Variants in METTL16 observed in about 807,000 individuals in gnomAD.
METTL16 encodes the protein RNA N(6)-adenosine-methyltransferase METTL16.
A neutral mutation model predicts 57.9 loss-of-function variants in METTL16; 19 were observed. That is an observed-to-expected ratio of 0.33 (90% CI 0.23 to 0.48). METTL16 has a LOEUF of 0.48. Ranked by LOEUF, METTL16 falls within the 20% of genes least tolerant of loss-of-function variation. The pLI, the probability that METTL16 is intolerant of heterozygous loss-of-function variation, is 0.99. For synonymous variants in METTL16, 246 were observed against 255.6 expected (o/e 0.96, Z 0.36); for missense variants, 434 against 691.5 (o/e 0.63, Z 4.18).
chr17:2,480,244 T>C (rs1259988391), intron 2 of METTL16, among the ~76,000 whole-genome samples: 5 of 151,586 alleles, frequency 3.3e-5, no homozygotes, highest in Non-Finnish European at 7.4e-5. Flanking sequence ...GAAAAGACCT[T>C]GCAAAAAGAT....
rs1194056511 is a variant in METTL16 at position 2,419,600 on chromosome 17, G to A, written c.*370C>T. 2.1e-6 allele frequency: 1 copy of A among 476,634 alleles called. No homozygotes were observed. 29.5% of individuals were successfully genotyped at this position (476,634 alleles called of 1,614,324 possible). A position where few individuals can be genotyped will look rare whatever the true frequency, so the allele number is the denominator to read the frequency against. On this transcript the variant is annotated 3_prime_UTR_variant, in exon 10 of 10. Transcript: ENST00000263092. ...TCAAGAAACACCCTTGGGTGACAGA[G>A]ACAGCATGATATTCTAGGCAGTGCT...
At chr17:2,433,200 G>A (rs975954810) in intron 8 of METTL16, among the ~76,000 whole-genome samples, 1 of 152,216 alleles carries the variant, frequency 6.6e-6, no homozygotes, top group African/African-American at 2.4e-5. Context: ...TTGCAGTGGA[G>A]GACGTCAGAG....
At chr17:2,470,309 G>GAA (rs35163850) in intron 4 of METTL16, among the ~76,000 whole-genome samples, 18 of 147,666 alleles carry the variant, frequency 1.2e-4, no homozygotes, top group African/African-American at 2.5e-4. Flanking sequence ...AAATGAAAAA[G>GAA]AAAAAAAAAA....
At chr17:2,434,697 G>C (rs188202631) in intron 8 of METTL16, among the ~76,000 whole-genome samples, 2 of 152,264 alleles carry the variant, frequency 1.3e-5, no homozygotes, top group East Asian at 3.9e-4. Context: ...AAGGAGAAGG[G>C]AGCTGGGCAC....
At chr17:2,449,632 C>T (rs923374123) in intron 6 of METTL16, among the ~76,000 whole-genome samples, 18 of 152,266 alleles carry the variant, frequency 1.2e-4, no homozygotes, top group African/African-American at 4.3e-4. Flanking sequence ...ATAAGATAGA[C>T]ACAGATTAAC....
intron 6 of METTL16, among the ~76,000 whole-genome samples, chr17:2,443,224 T>G (rs2066966834): frequency 6.6e-6 from 1 of 152,110 alleles, no homozygotes; most frequent in South Asian, 2.1e-4. Context: ...AACTCCCGCC[T>G]CAGCCTCTCT....
At chr17:2,478,041 G>A (rs1393348223) in intron 2 of METTL16, among the ~76,000 whole-genome samples, 156 bp from the exon 3 acceptor site, 1 of 152,158 alleles carries the variant, frequency 6.6e-6, no homozygotes, top group Non-Finnish European at 1.5e-5. Flanking sequence ...ACATACACGA[G>A]TGTTTCACAC....
rs753321594 is a variant in METTL16, at chr17:2,420,804, G to A, written c.989C>T (p.Pro330Leu). 4.3e-6 allele frequency: 7 copies of A among 1,614,094 alleles called. No individual in the cohort carries two copies. The Admixed American group carries it at 5.0e-5, about 12-fold the overall frequency. ...GCCTTCCGCCGTCTCCGAGCGCAGA[G>A]GTGATGCTTTGAGGGATAATTCCTT... ...VMKELSLKAS[P>L]LRSETAEGIV... Residue 330 changes from proline (P) to leucine (L), a missense_variant, in exon 9 of 10, where the codon CCT becomes CTT. Physicochemically the swap from Pro to Leu is moderately conservative, Grantham distance 98. Around this residue, in one of 5 missense-constraint regions of METTL16, gnomAD observed 96 missense variants for 138.3 expected, o/e 0.69. Coordinates refer to ENST00000263092, the MANE Select transcript of METTL16 (RefSeq NM_024086.4). The surrounding 1 kb of genome is among the most constrained non-coding windows in gnomAD (Gnocchi z 5.4).
Position 2,455,121 on chromosome 17 carries a change from C to A in METTL16, c.728+9087G>T, listed in dbSNP as rs557387902. The stretch of plus-strand genomic sequence containing the variant: ...TTTTTTTTTTTGAGACGGAGTCTCA[C>A]TCTGTTGCCCAGGCTGGAGTGCAAT... On this transcript the variant is annotated intron_variant, in intron 6 of 9. Transcript: ENST00000263092. 1.7e-3 allele frequency: 284 copies of A among 167,470 alleles called. 1 individual carries two copies. Among genetic ancestry groups the A allele is most frequent in the Admixed American group, 7.6e-3 (115 of 15,096 alleles). 10.4% of individuals were successfully genotyped at this position (167,470 alleles called of 1,614,324 possible).
chr17:2,469,233 G>T (rs2067221496), intron 4 of METTL16, among the ~76,000 whole-genome samples: 1 of 151,586 alleles, frequency 6.6e-6, no homozygotes, highest in Non-Finnish European at 1.5e-5. Context: ...GCAAGACTCT[G>T]TCTCAAAAAA....
intron 4 of METTL16, among the ~76,000 whole-genome samples, chr17:2,468,426 T>C (rs1432766410): frequency 6.6e-6 from 1 of 152,184 alleles, no homozygotes; most frequent in African/African-American, 2.4e-5. Context: ...GAGTAAGCCA[T>C]CTTGGAAGCA....
chr17:2,467,428 AT>A (rs372294941), intron 5 of METTL16, among the ~76,000 whole-genome samples: 9 of 151,398 alleles, frequency 5.9e-5, no homozygotes, highest in African/African-American at 1.7e-4. Flanking sequence ...GCAAATTTAG[AT>A]TTTTTTTTCT....
At chr17:2,489,250 T>C (rs1445605226) in intron 2 of METTL16, among the ~76,000 whole-genome samples, 1 of 152,076 alleles carries the variant, frequency 6.6e-6, no homozygotes, top group East Asian at 1.9e-4. Flanking sequence ...AAGCCAGGCC[T>C]TCAGGCTGAT....
chr17:2,455,391 A>G (rs1474629988), intron 6 of METTL16, among the ~76,000 whole-genome samples: 1 of 152,112 alleles, frequency 6.6e-6, no homozygotes, highest in Non-Finnish European at 1.5e-5. Context: ...CCAGCCTGTT[A>G]TTCCTTTGTA....
At chr17:2,477,538 G>T in intron 3 of METTL16, 148 bp downstream of exon 3, 1 of 640,324 alleles carries the variant, frequency 1.6e-6, no homozygotes, top group Non-Finnish European at 2.7e-6. Flanking sequence ...GAAGCATTTC[G>T]GATTTTCGGA....
intron 6 of METTL16, 96 bp downstream of exon 6, chr17:2,464,110 AAG>A: frequency 7.7e-7 from 1 of 1,296,836 alleles, no homozygotes; most frequent in South Asian, 1.5e-5. Context: ...CAACAAGAGC[AAG>A]ACTCTGTCCC....
At chr17:2,432,496 G>A (rs770245375) in intron 8 of METTL16, among the ~76,000 whole-genome samples, 4 of 152,118 alleles carry the variant, frequency 2.6e-5, no homozygotes, top group East Asian at 3.9e-4. Flanking sequence ...ACGAGCCTGG[G>A]AGGTCAAAGC....
At chr17:2,448,870 T>C (rs1381068327) in intron 6 of METTL16, among the ~76,000 whole-genome samples, 2 of 64,624 alleles carry the variant, frequency 3.1e-5, no homozygotes, top group Non-Finnish European at 7.5e-5. Context: ...CTACTAAAAA[T>C]ACAAAAATTA....
chr17:2,416,849 C>T lies in METTL16; in HGVS notation c.*3121G>A, dbSNP rs1295113258. The T allele has an allele frequency of 6.6e-6, 1 of 152,234 alleles. No individual in the cohort carries two copies. The highest frequency in any genetic ancestry group is 1.5e-5 in the Non-Finnish European group (1 of 68,152). 9.4% of individuals were successfully genotyped at this position (152,234 alleles called of 1,614,324 possible). A position where few individuals can be genotyped will look rare whatever the true frequency, so the allele number is the denominator to read the frequency against. Reference sequence around the variant, plus strand: ...CCCATTTCTTCAAAGAAAAACTTGCCCACCTGTACCAGAGGTATATGCTAT... The same window carrying T: ...CCCATTTCTTCAAAGAAAAACTTGCTCACCTGTACCAGAGGTATATGCTAT... On this transcript the variant is annotated 3_prime_UTR_variant, in exon 10 of 10. Coordinates refer to ENST00000263092, the MANE Select transcript of METTL16 (RefSeq NM_024086.4).
Sources: allele counts gnomAD v4.1 joint callset (sites outside exome capture counted in the v4.1 genomes callset), GRCh38; gene constraint gnomAD v4.1.1; regional missense constraint gnomAD v4.1.1; non-coding constraint Gnocchi (gnomAD v3.1); transcripts MANE v1.5; gene names NCBI Gene and HGNC (gene_info 2026-07-23, HGNC 2026-07-21).